Variants in SVEP1 observed in about 807,000 individuals in gnomAD.
SVEP1 encodes the protein sushi, von Willebrand factor type A, EGF and pentraxin domain-containing protein 1.
A neutral mutation model predicts 367.3 loss-of-function variants in SVEP1; 164 were observed. The ratio of observed to expected loss-of-function variants is 0.45; its 90% CI spans 0.39 to 0.51. The LOEUF is 0.51. SVEP1 is among the 20% of genes least tolerant of loss of function. The probability of loss-of-function intolerance (pLI) is 0.00; values close to 1 mark genes in which losing one functional copy is unlikely to be tolerated. For missense variants in SVEP1, 4,117 were observed against 4,425.3 expected (o/e 0.93, Z 1.98); for synonymous variants, 1,666 against 1,611.6 (o/e 1.03, Z -0.81).
intron 13 of SVEP1, among the ~76,000 whole-genome samples, chr9:110,477,161 C>T (rs1246172659): frequency 6.6e-6 from 1 of 152,170 alleles, no homozygotes; most frequent in Non-Finnish European, 1.5e-5. Context: ...ACCCTCAGAC[C>T]TTGTCATTGT....
At chr9:110,391,236 A>C (rs1827650070) in intron 40 of SVEP1, among the ~76,000 whole-genome samples, 1 of 151,706 alleles carries the variant, frequency 6.6e-6, no homozygotes, top group African/African-American at 2.4e-5. Flanking sequence ...TTTATGAACA[A>C]ATGTACAGCA....
intron 24 of SVEP1, 127 bp from the exon 25 acceptor site, chr9:110,447,184 T>G: frequency 1.2e-6 from 1 of 868,128 alleles, no homozygotes; most frequent in Non-Finnish European, 1.6e-6. Flanking sequence ...AAAACAGTGC[T>G]TTAATTGCAG....
chr9:110,413,424 G>A (rs1243400416), intron 36 of SVEP1, among the ~76,000 whole-genome samples: 2 of 148,446 alleles, frequency 1.3e-5, no homozygotes, highest in African/African-American at 5.0e-5. Context: ...ATAGCTTTGG[G>A]AGATATACCT....
intron 27 of SVEP1, among the ~76,000 whole-genome samples, chr9:110,440,700 TAG>T (rs1008469702): frequency 4.6e-5 from 7 of 152,096 alleles, no homozygotes; most frequent in African/African-American, 1.4e-4. Context: ...AAGGAAGATA[TAG>T]AGAGTTTCTA....
At chr9:110,570,315 T>C (rs1156338934) in intron 1 of SVEP1, among the ~76,000 whole-genome samples, 2 of 152,192 alleles carry the variant, frequency 1.3e-5, no homozygotes, top group Non-Finnish European at 2.9e-5. Flanking sequence ...AATGTTCACT[T>C]GTATTTATCA....
chr9:110,496,982 T>C lies in SVEP1; in HGVS notation c.1682-49A>G, dbSNP rs752712804. On this transcript the variant is annotated intron_variant, in intron 7 of 47. Transcript: ENST00000374469. ...AGATTAATACACTGATATGTGGTCC[T>C]AGATCATTTAAGGAAGAGGTACAAA... is the stretch of plus-strand genomic sequence containing the variant. The C allele has an allele frequency of 4.2e-5, 51 of 1,223,304 alleles. No homozygotes were observed. In the South Asian group the frequency reaches 5.7e-4, roughly 14 times the overall value. 75.8% of individuals were successfully genotyped at this position (1,223,304 alleles called of 1,614,324 possible).
At chr9:110,416,076 T>C (rs1160928867) in intron 36 of SVEP1, among the ~76,000 whole-genome samples, 1 of 151,586 alleles carries the variant, frequency 6.6e-6, no homozygotes, top group African/African-American at 2.4e-5. Flanking sequence ...ACTCAGAAAA[T>C]AAGGGGTTAC....
chr9:110,540,691 A>G (rs1001088551), intron 3 of SVEP1, among the ~76,000 whole-genome samples: 1 of 152,186 alleles, frequency 6.6e-6, no homozygotes, highest in African/African-American at 2.4e-5. Flanking sequence ...CAAACATATC[A>G]TATGCTATAA....
chr9:110,514,025 G>C lies in SVEP1; in HGVS notation c.1046C>G (p.Thr349Ser). Residue 349 changes from threonine to serine, a missense_variant, in exon 4 of 48, where the codon ACC becomes AGC. Physicochemically the swap from Thr to Ser is moderately conservative, Grantham distance 58. Transcript: ENST00000374469. Reference protein sequence around the residue: ...SCIPCPDENHTSPPGSTSPED... With the variant: ...SCIPCPDENHSSPPGSTSPED... ...AGGGGATGTGCTTCCAGGTGGAGAG[G>C]TGTGATTTTCATCAGGACATGGAAT... 6.2e-7 allele frequency: 1 copy of C among 1,612,402 alleles called. No individual in the cohort carries two copies. Among genetic ancestry groups the C allele is most frequent in the Non-Finnish European group, 8.5e-7 (1 of 1,179,284 alleles).
intron 44 of SVEP1, among the ~76,000 whole-genome samples, chr9:110,378,464 ATTTG>A (rs1246557737): frequency 1.3e-5 from 2 of 152,024 alleles, no homozygotes; most frequent in African/African-American, 2.4e-5. Flanking sequence ...TTTCTTGTAA[ATTTG>A]TTTGAGTTCA....
rs1242010179 is a variant in SVEP1, at chr9:110,455,656, G to A, written c.3721C>T (p.Leu1241Phe). The change falls in exon 22 of 48, where the codon CTC becomes TTC. Residue 1241 changes from leucine to phenylalanine, a missense_variant. By Grantham distance (22) the Leu-to-Phe change is conservative. Transcript: ENST00000374469. ...AGGTCTTTACAAACTCCATTGTTGA[G>A]GCAAGGCAGTGGGCTGCACTCATCG... ...DIDECSPLPC[L>F]NNGVCKDLVG... 3.7e-6 allele frequency: 6 copies of A among 1,613,406 alleles called. No homozygotes were observed. Among genetic ancestry groups the A allele is most frequent in the Non-Finnish European group, 5.1e-6 (6 of 1,179,610 alleles).
intron 1 of SVEP1, among the ~76,000 whole-genome samples, chr9:110,570,970 CTTTTTTTTTT>C (rs374900472): frequency 2.6e-5 from 3 of 114,928 alleles, no homozygotes; most frequent in African/African-American, 9.3e-5. Flanking sequence ...CAGATGGCTC[CTTTTTTTTTT>C]TTTTTTTTTT....
rs148849997 is a variant in SVEP1 at position 110,499,165 on chromosome 9, G to T, written c.1557C>A (p.Ala519=). The change falls in exon 7 of 48, where the codon GCC becomes GCA. Residue 519 remains alanine, a synonymous_variant. Transcript: ENST00000374469. ...TTACATAGCAGATCGTCCCAAATTTGGCTGGCTGCTTGCCACAGTTGTGGG... is the reference window on the plus strand; with the variant it reads ...TTACATAGCAGATCGTCCCAAATTTTGCTGGCTGCTTGCCACAGTTGTGGG... ...ISPHNCGKQP[A]KFGTICYVSC... The T allele has an allele frequency of 3.0e-4, 486 of 1,613,718 alleles. 4 individuals carry two copies. In the Middle Eastern group the frequency reaches 3.5e-3, roughly 12 times the overall value.
intron 3 of SVEP1, among the ~76,000 whole-genome samples, chr9:110,532,565 A>C (rs566607052): frequency 6.6e-6 from 1 of 152,272 alleles, no homozygotes; most frequent in Admixed American, 6.5e-5. Context: ...CAATGATCAT[A>C]CCCAAGAGAT....
intron 5 of SVEP1, among the ~76,000 whole-genome samples, chr9:110,503,841 T>TGGG (rs1829579353): frequency 6.6e-6 from 1 of 152,080 alleles, no homozygotes; most frequent in Non-Finnish European, 1.5e-5. Context: ...TAACATCAGT[T>TGGG]TATTTTTGCT....
At chr9:110,476,376 C>T (rs1829096957) in intron 13 of SVEP1, 61 bp from the exon 14 acceptor site, 12 of 1,283,922 alleles carry the variant, frequency 9.3e-6, no homozygotes, top group Non-Finnish European at 1.2e-5. Context: ...CTTGGATAAA[C>T]ACTTTGCTCC....
chr9:110,545,566 G>A (rs1436215951), intron 3 of SVEP1, among the ~76,000 whole-genome samples: 1 of 152,120 alleles, frequency 6.6e-6, no homozygotes, highest in African/African-American at 2.4e-5. Flanking sequence ...ATTTTTTTAT[G>A]TGTAAATCTT....
At chr9:110,371,461 A>G (rs10816998) in intron 46 of SVEP1, among the ~76,000 whole-genome samples, 52,286 of 151,914 alleles carry the variant, frequency 0.34, 9,199 homozygotes, top group African/African-American at 0.4. Context: ...GTATTTTTCA[A>G]TGATGACTTA....
At chr9:110,382,706 A>G (rs1275768350) in intron 43 of SVEP1, among the ~76,000 whole-genome samples, 2 of 152,174 alleles carry the variant, frequency 1.3e-5, no homozygotes, top group Non-Finnish European at 2.9e-5. Flanking sequence ...ACCCCGATCA[A>G]TCATAGGTTC....
Sources: gnomAD v4.1 joint callset for allele counts (sites outside exome capture counted in the v4.1 genomes callset) on GRCh38, gnomAD v4.1.1 for gene constraint, MANE v1.5 for transcripts, NCBI Gene and HGNC (gene_info 2026-07-23, HGNC 2026-07-21) for gene names.